The following PRKCA variants were observed in gnomAD, a reference collection of about 807,000 sequenced individuals.
PRKCA encodes the protein protein kinase C alpha.
Under a neutral mutation model 87.0 loss-of-function variants are expected in PRKCA, and 27 were observed. The observed-to-expected ratio is 0.31, with a 90% CI of 0.23 to 0.43. The LOEUF (loss-of-function observed/expected upper bound fraction) is 0.43. Among genes scored for constraint, PRKCA ranks in the 20% least tolerant of loss-of-function variants. The pLI, the probability that PRKCA is intolerant of heterozygous loss-of-function variation, is 1.00. For synonymous variants in PRKCA, 329 were observed against 311.1 expected (o/e 1.06, Z -0.61); for missense variants, 518 against 852.3 (o/e 0.61, Z 4.88).
intron 3 of PRKCA, among the ~76,000 whole-genome samples, chr17:66,556,785 T>A (rs1037586856): frequency 6.6e-6 from 1 of 152,222 alleles, no homozygotes; most frequent in Admixed American, 6.5e-5. Flanking sequence ...CCTTCCACCA[T>A]GATTTTAAGT....
At chr17:66,698,055 T>C (rs1334894965) in intron 8 of PRKCA, among the ~76,000 whole-genome samples, 2 of 152,154 alleles carry the variant, frequency 1.3e-5, no homozygotes, top group African/African-American at 4.8e-5. Flanking sequence ...AGAAAAGGAT[T>C]AAGAAAGTCT....
intron 2 of PRKCA, among the ~76,000 whole-genome samples, chr17:66,408,053 G>C (rs939004934): frequency 6.6e-6 from 1 of 152,142 alleles, no homozygotes; most frequent in Admixed American, 6.5e-5. Context: ...GCTCAATTAC[G>C]TATTATAAAA....
intron 3 of PRKCA, among the ~76,000 whole-genome samples, chr17:66,549,181 T>C (rs1304070862): frequency 1.3e-5 from 2 of 150,120 alleles, no homozygotes; most frequent in African/African-American, 2.5e-5. Context: ...AGGAAGTCCA[T>C]GCAGGTGCCA....
Position 66,581,753 on chromosome 17 carries a change from G to C in PRKCA, c.289-59602G>C, listed in dbSNP as rs78962981. On this transcript the variant is annotated intron_variant, in intron 3 of 16. Transcript: ENST00000413366. ...GCCTCCCAAAGTGCTGGGATTACAG[G>C]CATGAGCCACCGTGCCCGGCCATCT... 6.2e-4 allele frequency among the ~76,000 whole-genome samples: 95 copies of C among 152,300 alleles called. 1 individual carries two copies. In the East Asian group the frequency reaches 0.017, roughly 27 times the overall value.
chr17:66,660,357 T>C (rs960977693), intron 5 of PRKCA, among the ~76,000 whole-genome samples: 12 of 152,218 alleles, frequency 7.9e-5, no homozygotes, highest in African/African-American at 2.9e-4. Flanking sequence ...TTCCTTGCTG[T>C]TGTTTTAACT....
intron 3 of PRKCA, among the ~76,000 whole-genome samples, chr17:66,503,853 G>A (rs944498771): frequency 1.3e-5 from 2 of 152,132 alleles, no homozygotes; most frequent in Admixed American, 6.5e-5. Context: ...TTTTCGAAGT[G>A]TACTTTTAAA....
chr17:66,733,434 T>C (rs1373445454), intron 9 of PRKCA, among the ~76,000 whole-genome samples: 2 of 152,156 alleles, frequency 1.3e-5, no homozygotes, highest in African/African-American at 2.4e-5. Context: ...ACAGGCACAA[T>C]GGATGAACAT....
rs529781656 is a variant in PRKCA, at chr17:66,524,024, T to C, written c.288+27741T>C. Among the ~76,000 whole-genome samples, 77 of 152,234 alleles carry C rather than the reference T, an allele frequency of 5.1e-4. 1 individual carries two copies. Among genetic ancestry groups the C allele is most frequent in the Non-Finnish European group, 2.8e-4 (19 of 67,996 alleles). On this transcript the variant is annotated intron_variant, in intron 3 of 16. Coordinates refer to ENST00000413366, the MANE Select transcript of PRKCA (RefSeq NM_002737.3). ...TCTGAACTCCTCAATTTTTATCCCA[T>C]CTGTGCTGCTGACTAGCTGGGTGAC... is the stretch of plus-strand genomic sequence containing the variant.
At chr17:66,613,586 T>C (rs1179092516) in intron 3 of PRKCA, among the ~76,000 whole-genome samples, 1 of 152,100 alleles carries the variant, frequency 6.6e-6, no homozygotes, top group East Asian at 1.9e-4. Context: ...AATCCTTCCT[T>C]GCCTCTTCCT....
At chr17:66,578,355 C>T (rs8069696) in intron 3 of PRKCA, among the ~76,000 whole-genome samples, 16 of 151,958 alleles carry the variant, frequency 1.1e-4, no homozygotes, top group African/African-American at 3.6e-4. Flanking sequence ...GGAAACCCTT[C>T]AGCTCCAGGG....
At chr17:66,441,752 G>A (rs1034987873) in intron 2 of PRKCA, among the ~76,000 whole-genome samples, 4 of 151,856 alleles carry the variant, frequency 2.6e-5, no homozygotes, top group Admixed American at 6.6e-5. Context: ...TTTTTTTCAG[G>A]TGAAGACAAG....
intron 2 of PRKCA, among the ~76,000 whole-genome samples, chr17:66,424,933 T>C (rs1297286875): frequency 1.3e-5 from 2 of 151,940 alleles, no homozygotes; most frequent in Non-Finnish European, 2.9e-5. Flanking sequence ...TTTGTGTGTG[T>C]ATTTTTTTAG....
intron 2 of PRKCA, among the ~76,000 whole-genome samples, chr17:66,365,497 C>G (rs2143503295): frequency 6.6e-6 from 1 of 152,302 alleles, no homozygotes; most frequent in East Asian, 1.9e-4. Context: ...GCTTTGTGCT[C>G]TTAGCCACTA....
intron 2 of PRKCA, among the ~76,000 whole-genome samples, chr17:66,440,159 C>T (rs1913653472): frequency 1.3e-5 from 2 of 152,218 alleles, no homozygotes; most frequent in African/African-American, 4.8e-5. Flanking sequence ...AAGTCATTGA[C>T]TTCTCAGTGA....
chr17:66,447,787 A>G (rs1358017438), intron 2 of PRKCA, among the ~76,000 whole-genome samples: 1 of 152,152 alleles, frequency 6.6e-6, no homozygotes, highest in Non-Finnish European at 1.5e-5. Context: ...ACCTGGGGCT[A>G]TGTGGCTACC....
chr17:66,349,705 A>G lies in PRKCA; in HGVS notation c.205+43578A>G, dbSNP rs1907620509. 5.9e-5 allele frequency among the ~76,000 whole-genome samples: 9 copies of G among 152,232 alleles called. No individual in the cohort carries two copies. The South Asian group carries it at 1.9e-3, about 32-fold the overall frequency. ...TCCTCTGGGCTGCTGACTGCGCACA[A>G]ACACAAAATTCATTCCTCCAATAGA... is the stretch of plus-strand genomic sequence containing the variant. On this transcript the variant is annotated intron_variant, in intron 2 of 16. Coordinates refer to ENST00000413366, the MANE Select transcript of PRKCA (RefSeq NM_002737.3).
intron 2 of PRKCA, among the ~76,000 whole-genome samples, chr17:66,336,519 C>A (rs1232383965): frequency 1.3e-5 from 2 of 151,984 alleles, no homozygotes; most frequent in African/African-American, 4.8e-5. Context: ...TAAAGTTGGC[C>A]ATTTGTATTT....
intron 2 of PRKCA, among the ~76,000 whole-genome samples, chr17:66,466,901 A>C (rs907324740): frequency 6.6e-6 from 1 of 152,090 alleles, no homozygotes; most frequent in Non-Finnish European, 1.5e-5. Flanking sequence ...TAAATTACTC[A>C]TGCCCTCAGT....
intron 2 of PRKCA, among the ~76,000 whole-genome samples, chr17:66,437,731 T>TTTTTTTTTTTAA (rs55779501): frequency 9.0e-5 from 1 of 11,142 alleles, no homozygotes; most frequent in African/African-American, 3.9e-4. Flanking sequence ...TTTTTTTTTT[T>TTTTTTTTTTTAA]GAGCGGGGGG....
Sources: allele counts gnomAD v4.1 joint callset (sites outside exome capture counted in the v4.1 genomes callset), GRCh38; gene constraint gnomAD v4.1.1; transcripts MANE v1.5; gene names NCBI Gene and HGNC (gene_info 2026-07-23, HGNC 2026-07-21).